FYTTD1: variants seen among roughly 807,000 people sequenced by gnomAD.
The protein encoded by FYTTD1 is forty-two-three domain containing 1, also known as UAP56-interacting factor.
FYTTD1 carries 22 observed loss-of-function variants against 40.9 expected under a neutral mutation model. The ratio of observed to expected loss-of-function variants is 0.54; its 90% CI spans 0.38 to 0.77. FYTTD1 has a LOEUF of 0.77. FYTTD1 is among the 30% of genes least tolerant of loss of function. The pLI, the probability that FYTTD1 is intolerant of heterozygous loss-of-function variation, is 0.00. For missense variants in FYTTD1, 351 were observed against 392.2 expected (o/e 0.90, Z 0.89); for synonymous variants, 140 against 137.9 (o/e 1.01, Z -0.10).
At chr3:197,749,577 T>C (rs10470713), upstream of FYTTD1, 6 of 1,284,804 alleles carry the variant, frequency 4.7e-6, no homozygotes, top group African/African-American at 6.1e-5. Context: ...TACCGAAGTA[T>C]AGGGGACCTG....
At chr3:197,754,243 T>G (rs189878544) in intron 1 of FYTTD1, among the ~76,000 whole-genome samples, 1 of 152,304 alleles carries the variant, frequency 6.6e-6, no homozygotes, top group African/African-American at 2.4e-5. Flanking sequence ...TTTATGCTTA[T>G]TGAGATACAT....
chr3:197,769,655 G>C (rs1479088664), intron 3 of FYTTD1, among the ~76,000 whole-genome samples: 1 of 152,144 alleles, frequency 6.6e-6, no homozygotes, highest in East Asian at 1.9e-4. Flanking sequence ...CGTCTTTGCT[G>C]TCATAACTTC....
At chr3:197,756,121 A>T (rs961021986) in intron 1 of FYTTD1, among the ~76,000 whole-genome samples, 1 of 151,952 alleles carries the variant, frequency 6.6e-6, no homozygotes, top group Non-Finnish European at 1.5e-5. Context: ...GGCTTCTGTG[A>T]TTATGGGAAG....
At chr3:197,767,668 G>A (rs1301207225) in intron 2 of FYTTD1, among the ~76,000 whole-genome samples, 1 of 151,720 alleles carries the variant, frequency 6.6e-6, no homozygotes, top group African/African-American at 2.4e-5. Flanking sequence ...TGCCCAGGCT[G>A]GTCTTAAACT....
At chr3:197,754,811 C>T (rs1275268416) in intron 1 of FYTTD1, among the ~76,000 whole-genome samples, 3 of 151,848 alleles carry the variant, frequency 2.0e-5, no homozygotes, top group Non-Finnish European at 2.9e-5. Context: ...ACCACGGGCA[C>T]GCACCACCAT....
intron 1 of FYTTD1, among the ~76,000 whole-genome samples, chr3:197,756,044 G>C (rs1053355204): frequency 7.2e-5 from 11 of 152,080 alleles, no homozygotes; most frequent in Admixed American, 6.6e-5. Flanking sequence ...GGAGGCTTCT[G>C]TGATTATGGG....
At chr3:197,773,201 G>A (rs752101701) in intron 4 of FYTTD1, among the ~76,000 whole-genome samples, 1 of 152,212 alleles carries the variant, frequency 6.6e-6, no homozygotes, top group South Asian at 2.1e-4. Flanking sequence ...AAATTAACAC[G>A]TGGTTATGTG....
chr3:197,784,885 T>G lies in FYTTD1; in HGVS notation c.*2976T>G, dbSNP rs1730121384. On this transcript the variant is annotated 3_prime_UTR_variant, in exon 9 of 9. Coordinates refer to ENST00000241502, the MANE Select transcript of FYTTD1 (RefSeq NM_032288.7). ...ACTAATCCAGTTTAACCCCTCCTTT[T>G]TACACCTTAGTAAAGTGAGTCCTAG... is the stretch of plus-strand genomic sequence containing the variant. 6.6e-6 allele frequency: 1 copy of G among 152,200 alleles called. No individual in the cohort carries two copies. Among genetic ancestry groups the G allele is most frequent in the South Asian group, 2.1e-4 (1 of 4,834 alleles). The allele number at this position is 152,200 out of a possible 1,614,324, so 9.4% of individuals were successfully genotyped here.
chr3:197,781,890 G>A lies in FYTTD1; in HGVS notation c.938G>A (p.Arg313His), dbSNP rs370897450. The change falls in exon 9 of 9, where the codon CGC (arginine) becomes CAC (histidine). Residue 313 changes from arginine to histidine, a missense_variant. Physicochemically the swap from Arg to His is conservative, Grantham distance 29 (BLOSUM62 0). Coordinates refer to ENST00000241502, the MANE Select transcript of FYTTD1 (RefSeq NM_032288.7). ...CTCACATACAACAAAGGGGGAAGCCGCTTTGTCACCGTGGGATAGGTCCCA... is the reference window on the plus strand; with the variant it reads ...CTCACATACAACAAAGGGGGAAGCCACTTTGTCACCGTGGGATAGGTCCCA... ...ATLTYNKGGS[R>H]FVTVG is the part of the protein sequence containing the mutation. 6 of 1,605,758 alleles carry A rather than the reference G, an allele frequency of 3.7e-6. No individual in the cohort carries two copies. The highest frequency in any genetic ancestry group is 5.1e-6 in the Non-Finnish European group (6 of 1,174,632).
At chr3:197,752,157 C>T (rs1729078378) in intron 1 of FYTTD1, among the ~76,000 whole-genome samples, 1 of 152,208 alleles carries the variant, frequency 6.6e-6, no homozygotes, top group African/African-American at 2.4e-5. Flanking sequence ...AGCCGCCGCA[C>T]CCGGCCAGCA....
chr3:197,777,250 G>A (rs891229669), intron 7 of FYTTD1, among the ~76,000 whole-genome samples: 2 of 152,192 alleles, frequency 1.3e-5, no homozygotes, highest in African/African-American at 4.8e-5. Context: ...TTATGTGCAT[G>A]TATACTCTGT....
In FYTTD1 at chr3:197,777,001, T is replaced by C. The variant is rs1253020073; in HGVS notation, c.731T>C (p.Val244Ala). The stretch of plus-strand genomic sequence containing the variant: ...AATCCTGGAGCAGTGCAATGCCCAG[T>C]GTAAGTTGTTTCTTTCTTTTTGCAA... ...IDNPGAVQCP[V>A]TQKPRLTRTA... The change falls in exon 7 of 9, where the codon GTA (valine) becomes GCA (alanine). Residue 244 changes from valine to alanine, a missense_variant and splice_region_variant. Physicochemically the swap from Val to Ala is moderately conservative, Grantham distance 64 (BLOSUM62 0). Transcript: ENST00000241502. 3.1e-6 allele frequency: 5 copies of C among 1,594,094 alleles called. No homozygotes were observed. Among genetic ancestry groups the C allele is most frequent in the Non-Finnish European group, 4.3e-6 (5 of 1,166,024 alleles).
intron 8 of FYTTD1, among the ~76,000 whole-genome samples, chr3:197,780,281 G>T (rs1331627803): frequency 6.6e-6 from 1 of 152,160 alleles, no homozygotes; most frequent in Admixed American, 6.5e-5. Context: ...CATTGCCCAG[G>T]CTGGTCTTGA....
intron 1 of FYTTD1, chr3:197,750,380 C>T (rs1389789016): frequency 9.1e-7 from 1 of 1,098,402 alleles, no homozygotes; most frequent in East Asian, 5.3e-5. Context: ...CTCTTCTCCC[C>T]GGAGGGGCTA....
chr3:197,783,853 A>C lies in FYTTD1; in HGVS notation c.*1944A>C, dbSNP rs2109058739. On this transcript the variant is annotated 3_prime_UTR_variant, in exon 9 of 9. Coordinates refer to ENST00000241502, the MANE Select transcript of FYTTD1 (RefSeq NM_032288.7). ...TGCCATTTTTTGGGAAAACTTTAAAAATTGCCCCAAATACTGACATTGAGT... is the reference window on the plus strand; with the variant it reads ...TGCCATTTTTTGGGAAAACTTTAAACATTGCCCCAAATACTGACATTGAGT... The C allele has an allele frequency of 1.3e-5, 2 of 152,716 alleles. No individual in the cohort carries two copies. The highest frequency in any genetic ancestry group is 6.8e-3 in the Middle Eastern group (2 of 294). The allele number at this position is 152,716 out of a possible 1,614,324, so 9.5% of individuals were successfully genotyped here. A position where few individuals can be genotyped will look rare whatever the true frequency, so the allele number is the denominator to read the frequency against.
intron 2 of FYTTD1, among the ~76,000 whole-genome samples, chr3:197,763,180 G>A (rs1461015874): frequency 3.3e-5 from 5 of 151,672 alleles, no homozygotes; most frequent in African/African-American, 4.8e-5. Flanking sequence ...TTGGGAGCCC[G>A]AGGTGGGTGG....
Position 197,775,473 on chromosome 3 carries a change from C to T in FYTTD1, c.656+1263C>T, listed in dbSNP as rs559673702. Among the ~76,000 whole-genome samples the T allele has an allele frequency of 2.3e-4, 35 of 151,884 alleles. 2 individuals are homozygous for T. In the South Asian group the frequency reaches 4.8e-3, roughly 21 times the overall value. On this transcript the variant is annotated intron_variant, in intron 6 of 8. Transcript: ENST00000241502. Reference sequence around the variant, plus strand: ...TCCCTTTCAGTCGGCCCTCCATATCCGCGGATTGTCTCTGTGTCTCAGGGG... The same window carrying T: ...TCCCTTTCAGTCGGCCCTCCATATCTGCGGATTGTCTCTGTGTCTCAGGGG...
chr3:197,749,985 G>C lies in FYTTD1; in HGVS notation c.14G>C (p.Gly5Ala), dbSNP rs909631656. MNRF[G>A]TRLVGATATS... ...ACGTCTCCAGCCATGAACCGGTTTGGTACCCGGTTGGTGGGAGCCACGGCG... is the reference window on the plus strand; with the variant it reads ...ACGTCTCCAGCCATGAACCGGTTTGCTACCCGGTTGGTGGGAGCCACGGCG... The change falls in exon 1 of 9, where the codon GGT becomes GCT. Residue 5 changes from glycine to alanine, a missense_variant. By Grantham distance (60) the Gly-to-Ala change is moderately conservative. Coordinates refer to ENST00000241502, the MANE Select transcript of FYTTD1 (RefSeq NM_032288.7). The C allele has an allele frequency of 2.5e-6, 4 of 1,582,058 alleles. No homozygotes were observed. Among genetic ancestry groups the C allele is most frequent in the African/African-American group, 2.8e-5 (2 of 71,804 alleles).
At chr3:197,751,729 A>G (rs189063222) in intron 1 of FYTTD1, among the ~76,000 whole-genome samples, 1 of 151,638 alleles carries the variant, frequency 6.6e-6, no homozygotes, top group East Asian at 1.9e-4. Flanking sequence ...CTTACTACCT[A>G]CCAGGTCCTG....
Sources: gnomAD v4.1 joint callset for allele counts (sites outside exome capture counted in the v4.1 genomes callset) on GRCh38, gnomAD v4.1.1 for gene constraint, MANE v1.5 for transcripts, NCBI Gene and HGNC (gene_info 2026-07-23, HGNC 2026-07-21) for gene names.